The following GOLGA5 variants were observed in gnomAD, a reference collection of about 807,000 sequenced individuals.
The protein encoded by GOLGA5 is golgin subfamily A member 5.
A neutral mutation model predicts 93.5 loss-of-function variants in GOLGA5; 50 were observed. The ratio of observed to expected loss-of-function variants is 0.53; its 90% CI spans 0.43 to 0.68. The LOEUF is 0.68. Among genes scored for constraint, GOLGA5 ranks in the 30% least tolerant of loss-of-function variants. The pLI is 0.00. For synonymous variants in GOLGA5, 312 were observed against 304.5 expected, an observed-to-expected ratio of 1.02 and a Z score of -0.26; for missense variants, 760 against 856.4, an observed-to-expected ratio of 0.89 and a Z score of 1.40.
chr14:92,837,652 C>G (rs1259338451), intron 12 of GOLGA5, among the ~76,000 whole-genome samples: 1 of 152,140 alleles, frequency 6.6e-6, no homozygotes, highest in Non-Finnish European at 1.5e-5. Flanking sequence ...CAGCCTCTAC[C>G]TCCCAGGCTC....
intron 1 of GOLGA5, among the ~76,000 whole-genome samples, chr14:92,795,507 T>TA (rs1381198511): frequency 2.6e-5 from 4 of 152,088 alleles, no homozygotes; most frequent in Admixed American, 1.3e-4. Context: ...ACATTTGCTT[T>TA]AAAAAAAGGA....
At chr14:92,813,314 T>G (rs1233279151) in intron 6 of GOLGA5, among the ~76,000 whole-genome samples, 1 of 152,232 alleles carries the variant, frequency 6.6e-6, no homozygotes, top group East Asian at 1.9e-4. Flanking sequence ...TAAGAAAACA[T>G]TCATCTTAGT....
In GOLGA5 at chr14:92,797,415, A is replaced by C; in HGVS notation, c.-23A>C. ...TTTATGTCCTTTTTACAGGTTTGCC[A>C]ATAGGATTATCCTGCTGCCATCATG... On this transcript the variant is annotated 5_prime_UTR_variant, in exon 2 of 13. Transcript: ENST00000163416. 1 of 1,564,694 alleles carries C rather than the reference A, an allele frequency of 6.4e-7. No homozygotes were observed. Among genetic ancestry groups the C allele is most frequent in the South Asian group, 1.2e-5 (1 of 82,626 alleles).
chr14:92,813,618 A>C (rs1241218456), intron 6 of GOLGA5, among the ~76,000 whole-genome samples: 1 of 152,216 alleles, frequency 6.6e-6, no homozygotes, highest in Non-Finnish European at 1.5e-5. Context: ...CAAAAGACTC[A>C]TAAAGTTCAA....
At position 92,810,332 on chromosome 14, in the gene GOLGA5, G is replaced by A. The variant is rs1436729383; in HGVS notation, c.1071G>A (p.Ala357=). Reference sequence around the variant, plus strand: ...CTTTTCAGGAGAGACTGCATGAAGCGGATGCCACTCTGAAGAGAGAGCAGG... The same window carrying A: ...CTTTTCAGGAGAGACTGCATGAAGCAGATGCCACTCTGAAGAGAGAGCAGG... ...LQTFQERLHE[A]DATLKREQES... is the part of the protein sequence containing the mutation. The change falls in exon 5 of 13, where the codon GCG becomes GCA. Residue 357 remains alanine (A), a synonymous_variant. Transcript: ENST00000163416. 5.0e-6 allele frequency: 8 copies of A among 1,609,192 alleles called. No homozygotes were observed. The highest frequency in any genetic ancestry group is 1.6e-4 in the Middle Eastern group (1 of 6,072).
chr14:92,807,054 CT>C, intron 3 of GOLGA5, 91 bp downstream of exon 3: 1 of 844,402 alleles, frequency 1.2e-6, no homozygotes, highest in South Asian at 1.5e-5. Context: ...AATCCCAGCA[CT>C]TTGGGAGGCC....
At chr14:92,832,540 T>C (rs1453379264) in intron 9 of GOLGA5, among the ~76,000 whole-genome samples, 2 of 152,214 alleles carry the variant, frequency 1.3e-5, no homozygotes, top group Non-Finnish European at 2.9e-5. Flanking sequence ...TGTCCCTAAA[T>C]ACCATGTGCA....
At chr14:92,830,041 G>A (rs965924461) in intron 9 of GOLGA5, among the ~76,000 whole-genome samples, 14 of 152,224 alleles carry the variant, frequency 9.2e-5, no homozygotes, top group Admixed American at 4.6e-4. Context: ...AGCTTGGGCC[G>A]GGCATGGTGG....
rs944480275 is a variant in GOLGA5 at position 92,806,875 on chromosome 14, A to G, written c.684A>G (p.Arg228=). The change falls in exon 3 of 13, where the codon CGA becomes CGG. Residue 228 remains arginine (R), a synonymous_variant. Transcript: ENST00000163416. Reference sequence around the variant, plus strand: ...AATCACATGAACTGTCTAACCTTCGACTGGAGAATCAGCTGCTGAGGAATG... The same window carrying G: ...AATCACATGAACTGTCTAACCTTCGGCTGGAGAATCAGCTGCTGAGGAATG... ...DGKSHELSNL[R]LENQLLRNEV... is the part of the protein sequence containing the mutation. 10 of 1,613,814 alleles carry G rather than the reference A, an allele frequency of 6.2e-6. No individual in the cohort carries two copies. The highest frequency in any genetic ancestry group is 7.6e-6 in the Non-Finnish European group (9 of 1,179,800).
At chr14:92,838,734 T>C (rs1192329348) in intron 12 of GOLGA5, among the ~76,000 whole-genome samples, 1 of 152,132 alleles carries the variant, frequency 6.6e-6, no homozygotes, top group Non-Finnish European at 1.5e-5. Context: ...CAGAAAGCAT[T>C]CAGAATATGC....
At chr14:92,832,346 G>A (rs1465178087) in intron 9 of GOLGA5, among the ~76,000 whole-genome samples, 1 of 152,172 alleles carries the variant, frequency 6.6e-6, no homozygotes, top group African/African-American at 2.4e-5. Flanking sequence ...AGAAAGAAAG[G>A]CAGGTGGAGC....
rs1420964579 is a variant in GOLGA5, at chr14:92,797,450, G to A, written c.13G>A (p.Val5Ile). The A allele has an allele frequency of 4.4e-6, 7 of 1,606,030 alleles. No homozygotes were observed. Among genetic ancestry groups the A allele is most frequent in the Non-Finnish European group, 5.9e-6 (7 of 1,176,854 alleles). ...TCCTGCTGCCATCATGTCTTGGTTT[G>A]TTGATCTTGCTGGAAAGGCAGAAGA... MSWF[V>I]DLAGKAEDLL... The change falls in exon 2 of 13, where the codon GTT becomes ATT. Residue 5 changes from valine to isoleucine, a missense_variant. Val to Ile is a conservative substitution (Grantham distance 29). Coordinates refer to ENST00000163416, the MANE Select transcript of GOLGA5 (RefSeq NM_005113.4).
intron 9 of GOLGA5, among the ~76,000 whole-genome samples, chr14:92,826,624 G>A (rs1885427184): frequency 6.6e-6 from 1 of 150,960 alleles, no homozygotes; most frequent in Non-Finnish European, 1.5e-5. Flanking sequence ...CTTGAACCCA[G>A]AAGGCAGAGG....
rs1027087793 is a variant in GOLGA5, at chr14:92,798,274, T to G, written c.544+293T>G. On this transcript the variant is annotated intron_variant, in intron 2 of 12. Coordinates refer to ENST00000163416, the MANE Select transcript of GOLGA5 (RefSeq NM_005113.4). ...ATTTTAAGATTAAAAAAAGAAAATT[T>G]TGAAATCTGAAAGAAAACATGTCAG... is the stretch of plus-strand genomic sequence containing the variant. Among the ~76,000 whole-genome samples, 3 of 152,220 alleles carry G rather than the reference T, an allele frequency of 2.0e-5. No individual in the cohort carries two copies. In the East Asian group the frequency reaches 5.8e-4, roughly 29 times the overall value.
At chr14:92,815,951 C>T (rs991835350) in intron 6 of GOLGA5, among the ~76,000 whole-genome samples, 26 of 151,914 alleles carry the variant, frequency 1.7e-4, no homozygotes, top group East Asian at 9.7e-4. Flanking sequence ...GTGATCCGCC[C>T]GCCTCAGCCT....
At chr14:92,796,577 A>G (rs1490546710) in intron 1 of GOLGA5, among the ~76,000 whole-genome samples, 4 of 152,038 alleles carry the variant, frequency 2.6e-5, no homozygotes, top group Non-Finnish European at 5.9e-5. Context: ...TAGAGATCCT[A>G]TCTCCAAAAA....
chr14:92,797,331 GACTCCAGA>G, intron 1 of GOLGA5, 69 bp from the exon 2 acceptor site: 1 of 816,428 alleles, frequency 1.2e-6, no homozygotes. Context: ...AGGATTGCCT[GACTCCAGA>G]GTCTGGTCTT....
intron 2 of GOLGA5, among the ~76,000 whole-genome samples, chr14:92,806,234 G>A (rs971338870): frequency 4.6e-5 from 7 of 152,164 alleles, no homozygotes; most frequent in African/African-American, 7.2e-5. Context: ...ATCCAGACTT[G>A]AGTATCCTTA....
Position 92,797,761 on chromosome 14 carries a change from C to G in GOLGA5, c.324C>G (p.Ser108=). ...ATGCATCTGTTCCTAGGCCTTCATC[C>G]CATTTTGTGCGAAGAAAAAAGTCAG... ...VENASVPRPS[S]HFVRRKKSEP... Residue 108 remains serine, a synonymous_variant, in exon 2 of 13, where the codon TCC becomes TCG. Transcript: ENST00000163416. The G allele has an allele frequency of 6.2e-7, 1 of 1,613,126 alleles. No homozygotes were observed. The highest frequency in any genetic ancestry group is 8.5e-7 in the Non-Finnish European group (1 of 1,179,408).
Sources: allele counts gnomAD v4.1 joint callset (sites outside exome capture counted in the v4.1 genomes callset), GRCh38; gene constraint gnomAD v4.1.1; transcripts MANE v1.5; gene names NCBI Gene and HGNC (gene_info 2026-07-23, HGNC 2026-07-21).